ARID1A: variants seen among roughly 807,000 people sequenced by gnomAD.
ARID1A encodes the protein AT-rich interaction domain 1A.
In ARID1A, 20 loss-of-function variants were observed where a neutral mutation model predicts 212.6. The observed-to-expected ratio is 0.09, with a 90% CI of 0.07 to 0.14. The LOEUF (loss-of-function observed/expected upper bound fraction) is 0.14. Ranked by LOEUF, ARID1A falls within the 10% of genes least tolerant of loss-of-function variation. The probability of loss-of-function intolerance (pLI) is 1.00; values close to 1 mark genes in which losing one functional copy is unlikely to be tolerated. For missense variants in ARID1A, 2,587 were observed against 3,059.0 expected (o/e 0.85, Z 3.64); for synonymous variants, 1,376 against 1,222.1 (o/e 1.13, Z -2.63).
rs2080674115 is a variant in ARID1A at position 26,731,319 on chromosome 1, T to C, written c.1518T>C (p.Ser506=). 1.9e-6 allele frequency: 3 copies of C among 1,612,588 alleles called. No individual in the cohort carries two copies. Among genetic ancestry groups the C allele is most frequent in the Non-Finnish European group, 1.7e-6 (2 of 1,179,594 alleles). Residue 506 remains serine (S), a synonymous_variant, in exon 3 of 20, where the codon TCT becomes TCC. Transcript: ENST00000324856. ...CTTCGTATCAGCAGCAGCCACAGTC[T>C]CAACCACCACAGCTCCAGTCCTCTC... is the stretch of plus-strand genomic sequence containing the variant. The part of the protein sequence containing the change: ...AQPSYQQQPQ[S]QPPQLQSSQP...
At position 26,772,913 on chromosome 1, in the gene ARID1A, G is replaced by C. The variant is rs1402459090; in HGVS notation, c.3641G>C (p.Ser1214Thr). ...SMTPNPGYQPSMNTSDMMGRM... is the reference protein window; with the variant it reads ...SMTPNPGYQPTMNTSDMMGRM... ...ACTCCAAACCCTGGGTATCAGCCCAGTATGAATACCTCTGACATGATGGGG... is the reference window on the plus strand; with the variant it reads ...ACTCCAAACCCTGGGTATCAGCCCACTATGAATACCTCTGACATGATGGGG... The change falls in exon 14 of 20, where the codon AGT becomes ACT. Residue 1214 changes from serine to threonine, a missense_variant. By Grantham distance (58) the Ser-to-Thr change is moderately conservative. Transcript: ENST00000324856. 1.2e-6 allele frequency: 2 copies of C among 1,614,140 alleles called. No individual in the cohort carries two copies. Among genetic ancestry groups the C allele is most frequent in the Non-Finnish European group, 1.7e-6 (2 of 1,180,024 alleles).
intron 1 of ARID1A, 94 bp from the exon 2 acceptor site, chr1:26,729,557 C>A: frequency 7.2e-7 from 1 of 1,382,658 alleles, no homozygotes; most frequent in Non-Finnish European, 1.0e-6. Flanking sequence ...TTCTTTATAG[C>A]ATACAGACTA....
chr1:26,699,405 A>AAAC (rs1374139877), intron 1 of ARID1A, among the ~76,000 whole-genome samples: 1 of 152,198 alleles, frequency 6.6e-6, no homozygotes, highest in East Asian at 1.9e-4. Context: ...ATCCCCTCCC[A>AAAC]AACCCCTTGC....
chr1:26,766,390 G>C (rs2081039691), intron 9 of ARID1A, 24 bp downstream of exon 9: 1 of 1,614,064 alleles, frequency 6.2e-7, no homozygotes, highest in Non-Finnish European at 8.5e-7. Flanking sequence ...ATTCTCACTA[G>C]GGATTTCTTC....
chr1:26,697,400 G>T lies in ARID1A; in HGVS notation c.997G>T (p.Ala333Ser), dbSNP rs879847893. Residue 333 changes from alanine to serine, a missense_variant, in exon 1 of 20, where the codon GCC (alanine) becomes TCC (serine). Around this residue, in one of 11 missense-constraint regions of ARID1A, gnomAD observed 735 missense variants for 590.6 expected, o/e 1.24. Transcript: ENST00000324856. ...GGAGKGPADM[A>S]SQCWGAAAAA... ...CGCCGGCAAGGGCCCGGCGGACATGGCCTCGCAGTGTTGGGGGGCTGCGGC... is the reference window on the plus strand; with the variant it reads ...CGCCGGCAAGGGCCCGGCGGACATGTCCTCGCAGTGTTGGGGGGCTGCGGC... The T allele has an allele frequency of 1.3e-5, 18 of 1,338,188 alleles. No individual in the cohort carries two copies. The African/African-American group carries it at 2.6e-4, about 19-fold the overall frequency. The allele number at this position is 1,338,188 out of a possible 1,614,324, so 82.9% of individuals were successfully genotyped here.
chr1:26,729,742 G>T lies in ARID1A; in HGVS notation c.1229G>T (p.Gly410Val). 1 of 1,614,226 alleles carries T rather than the reference G, an allele frequency of 6.2e-7. No individual in the cohort carries two copies. The highest frequency in any genetic ancestry group is 8.5e-7 in the Non-Finnish European group (1 of 1,180,038). The change falls in exon 2 of 20, where the codon GGA becomes GTA. Residue 410 changes from glycine to valine, a missense_variant. By Grantham distance (109) the Gly-to-Val change is moderately radical (BLOSUM62 -3). Transcript: ENST00000324856. Reference sequence around the variant, plus strand: ...TCGCAGCAACAGGGACCTCCGTCAGGACCGCAGCAAGGACATGGGTACCCA... The same window carrying T: ...TCGCAGCAACAGGGACCTCCGTCAGTACCGCAGCAAGGACATGGGTACCCA... ...PYSQQQGPPSGPQQGHGYPGQ... is the reference protein window; with the variant it reads ...PYSQQQGPPSVPQQGHGYPGQ...
chr1:26,703,786 A>G (rs1166989022), intron 1 of ARID1A, among the ~76,000 whole-genome samples: 1 of 152,212 alleles, frequency 6.6e-6, no homozygotes, highest in Non-Finnish European at 1.5e-5. Context: ...TACACCAGCT[A>G]GGTACTAGGA....
chr1:26,759,057 TA>T (rs11306968), intron 4 of ARID1A, among the ~76,000 whole-genome samples: 148,927 of 152,286 alleles, frequency 0.98, 72,849 homozygotes, highest in East Asian at 1. Context: ...CCTCCAGTGT[TA>T]ACTGTCAGAT....
At chr1:26,757,670 CT>C (rs1321300154) in intron 4 of ARID1A, among the ~76,000 whole-genome samples, 44 of 146,746 alleles carry the variant, frequency 3.0e-4, no homozygotes, top group South Asian at 2.2e-3. Context: ...ATAATCAAAA[CT>C]TTTTTTTTTT....
chr1:26,734,342 T>G lies in ARID1A; in HGVS notation c.1920+1550T>G, dbSNP rs1047162011. The stretch of plus-strand genomic sequence containing the variant: ...CCTTTTGATAGATCTGTATTTGGCT[T>G]CTTTTTTTTTTTTTTTTTTTGGTCC... On this transcript the variant is annotated intron_variant, in intron 4 of 19. Coordinates refer to ENST00000324856, the MANE Select transcript of ARID1A (RefSeq NM_006015.6). 4.9e-4 allele frequency among the ~76,000 whole-genome samples: 59 copies of G among 120,690 alleles called. 1 individual carries two copies. Among genetic ancestry groups the G allele is most frequent in the Non-Finnish European group, 3.0e-4 (18 of 61,012 alleles). 79.2% of individuals were successfully genotyped at this position (120,690 alleles called of 152,430 possible).
chr1:26,746,418 G>GTT (rs1416803165), intron 4 of ARID1A, among the ~76,000 whole-genome samples: 2 of 152,192 alleles, frequency 1.3e-5, no homozygotes, highest in African/African-American at 4.8e-5. Flanking sequence ...GCCCCCAGAT[G>GTT]TTTGGTTGCT....
At position 26,772,543 on chromosome 1, in the gene ARID1A, C is replaced by T. The variant is rs769905318; in HGVS notation, c.3450C>T (p.Thr1150=). The T allele has an allele frequency of 2.5e-6, 4 of 1,614,092 alleles. No individual in the cohort carries two copies. The East Asian group carries it at 6.7e-5, about 27-fold the overall frequency. Residue 1150 remains threonine (T), a synonymous_variant, in exon 13 of 20, where the codon ACC becomes ACT. Transcript: ENST00000324856. The part of the protein sequence containing the change: ...SMQGPQTPQS[T]SSSMAEGGDL... ...AGGGGCCCCAGACTCCCCAGTCAAC[C>T]AGCAGTTCCATGGCAGAAGGAGGAG...
chr1:26,773,938 G>A (rs757597592), intron 17 of ARID1A, 40 bp downstream of exon 17: 18 of 1,595,466 alleles, frequency 1.1e-5, no homozygotes, highest in Admixed American at 3.4e-5. Context: ...ATGCAGGTTC[G>A]CCTTGAAAAC....
Position 26,779,458 on chromosome 1 carries a change from C to T in ARID1A, c.5560C>T (p.His1854Tyr), listed in dbSNP as rs2124140421. Residue 1854 changes from histidine (H) to tyrosine (Y), a missense_variant, in exon 20 of 20, where the codon CAT becomes TAT. Coordinates refer to ENST00000324856, the MANE Select transcript of ARID1A (RefSeq NM_006015.6). ...GATTGGTGGGGGGGACACCACTGAG[C>T]ATATCCAGACCCACTTCGAGAGCAA... Reference protein sequence around the residue: ...WRIGGGDTTEHIQTHFESKTE... With the variant: ...WRIGGGDTTEYIQTHFESKTE... 6.2e-7 allele frequency: 1 copy of T among 1,614,172 alleles called. No individual in the cohort carries two copies.
intron 1 of ARID1A, among the ~76,000 whole-genome samples, chr1:26,710,302 C>T (rs1265208124): frequency 6.6e-5 from 10 of 151,260 alleles, no homozygotes; most frequent in African/African-American, 1.7e-4. Flanking sequence ...GGCGTGGTGG[C>T]GGATGCCTGT....
intron 4 of ARID1A, among the ~76,000 whole-genome samples, chr1:26,745,035 A>C (rs2080824081): frequency 6.6e-6 from 1 of 152,222 alleles, no homozygotes; most frequent in Admixed American, 6.5e-5. Flanking sequence ...ATCATTTGAT[A>C]ATACTGAGTC....
intron 8 of ARID1A, 119 bp from the exon 9 acceptor site, chr1:26,766,102 C>CT: frequency 8.6e-7 from 1 of 1,161,144 alleles, no homozygotes; most frequent in Non-Finnish European, 1.2e-6. Context: ...TTTGGGGACC[C>CT]ATAAATGTTT....
At chr1:26,732,635 T>G (rs2080691368) in intron 3 of ARID1A, 41 bp from the exon 4 acceptor site, 1 of 1,474,294 alleles carries the variant, frequency 6.8e-7, no homozygotes, top group African/African-American at 1.4e-5. Flanking sequence ...GCCTGGTTTA[T>G]CAATACCAGG....
intron 4 of ARID1A, among the ~76,000 whole-genome samples, chr1:26,737,711 C>T (rs1045154709): frequency 6.6e-6 from 1 of 151,772 alleles, no homozygotes; most frequent in Admixed American, 6.6e-5. Context: ...ACTAAAAATA[C>T]AAAATTAGCT....
Sources: gnomAD v4.1 joint callset for allele counts (sites outside exome capture counted in the v4.1 genomes callset) on GRCh38, gnomAD v4.1.1 for gene constraint, gnomAD v4.1.1 regional missense constraint, MANE v1.5 for transcripts, NCBI Gene and HGNC (gene_info 2026-07-23, HGNC 2026-07-21) for gene names.